DCBLD1: variants seen among roughly 807,000 people sequenced by gnomAD.
DCBLD1 encodes the protein discoidin, CUB and LCCL domain containing 1.
Under a neutral mutation model 71.5 loss-of-function variants are expected in DCBLD1, and 57 were observed. That is an observed-to-expected ratio of 0.80 (90% CI 0.64 to 0.99). DCBLD1 has a LOEUF of 0.99. DCBLD1 is among the 50% of genes least tolerant of loss of function. The pLI is 0.00. For synonymous variants in DCBLD1, 380 were observed against 363.8 expected (o/e 1.04, Z -0.51); for missense variants, 891 against 923.5 (o/e 0.96, Z 0.46).
At chr6:117,558,272 C>T (rs1178598702) in intron 14 of DCBLD1, among the ~76,000 whole-genome samples, 2 of 152,176 alleles carry the variant, frequency 1.3e-5, no homozygotes, top group East Asian at 1.9e-4. Context: ...GGTAAGGCCT[C>T]CTTGGGAGCT....
chr6:117,539,517 A>C (rs1488958869), intron 9 of DCBLD1, 138 bp downstream of exon 9: 3 of 947,114 alleles, frequency 3.2e-6, no homozygotes, highest in Admixed American at 3.5e-5. Context: ...TGTAATCCCC[A>C]AGCTTTGGGA....
intron 6 of DCBLD1, among the ~76,000 whole-genome samples, chr6:117,534,315 A>C (rs962472892): frequency 6.6e-6 from 1 of 152,210 alleles, no homozygotes; most frequent in African/African-American, 2.4e-5. Context: ...CAGAACATTA[A>C]ATTTTATTTT....
chr6:117,536,503 TC>T (rs774239619), intron 6 of DCBLD1, among the ~76,000 whole-genome samples: 1 of 152,178 alleles, frequency 6.6e-6, no homozygotes, highest in Non-Finnish European at 1.5e-5. Context: ...CAATCATTTC[TC>T]CTGTGATAGT....
chr6:117,512,609 G>A (rs1336272678), intron 2 of DCBLD1, among the ~76,000 whole-genome samples: 3 of 152,068 alleles, frequency 2.0e-5, no homozygotes, highest in African/African-American at 7.2e-5. Flanking sequence ...ACAGATCTGG[G>A]CCACGAGAAG....
chr6:117,504,035 A>G, intron 2 of DCBLD1, 56 bp downstream of exon 2: 1 of 1,577,862 alleles, frequency 6.3e-7, no homozygotes, highest in Non-Finnish European at 8.7e-7. Context: ...ATTTGCAGAG[A>G]AGGGCAAGTG....
intron 6 of DCBLD1, among the ~76,000 whole-genome samples, chr6:117,535,757 C>T (rs1778862532): frequency 6.6e-6 from 1 of 152,006 alleles, no homozygotes; most frequent in Non-Finnish European, 1.5e-5. Context: ...AATGTAACAG[C>T]GTAGGAACGT....
chr6:117,523,968 A>G (rs964361850), intron 4 of DCBLD1, among the ~76,000 whole-genome samples: 4 of 152,072 alleles, frequency 2.6e-5, no homozygotes, highest in African/African-American at 7.2e-5. Context: ...TTTTTTATAG[A>G]TGTTTATAGC....
Position 117,540,782 on chromosome 6 carries a change from A to G in DCBLD1, c.1216A>G (p.Lys406Glu). The change falls in exon 10 of 15, where the codon AAG becomes GAG. Residue 406 changes from lysine to glutamate, a missense_variant. Lys to Glu is a moderately conservative substitution (Grantham distance 56). Transcript: ENST00000338728. ...PQTWHQRIAL[K>E]VELIGCQITQ... is the part of the protein sequence containing the mutation. ...GACATGGCACCAGAGGATAGCCTTGAAGGTGGAGCTCATTGGTTGCCAGAT... is the reference window on the plus strand; with the variant it reads ...GACATGGCACCAGAGGATAGCCTTGGAGGTGGAGCTCATTGGTTGCCAGAT... 6.2e-7 allele frequency: 1 copy of G among 1,614,232 alleles called. No individual in the cohort carries two copies. The highest frequency in any genetic ancestry group is 8.5e-7 in the Non-Finnish European group (1 of 1,180,034).
chr6:117,538,500 A>C (rs1778975144), intron 7 of DCBLD1, 120 bp from the exon 8 acceptor site: 2 of 903,920 alleles, frequency 2.2e-6, no homozygotes, highest in South Asian at 3.4e-5. Context: ...TAAACACTTT[A>C]TTCCATATCA....
chr6:117,555,627 C>T (rs372606323), intron 14 of DCBLD1, among the ~76,000 whole-genome samples: 7 of 152,156 alleles, frequency 4.6e-5, no homozygotes, highest in South Asian at 2.1e-4. Context: ...ATAGTCTTGA[C>T]GATCTAGAAT....
intron 14 of DCBLD1, 130 bp downstream of exon 14, chr6:117,545,727 T>C (rs980730642): frequency 9.2e-6 from 12 of 1,304,902 alleles, no homozygotes; most frequent in Non-Finnish European, 1.1e-5. Context: ...AATGTGTTTT[T>C]TCTGCATTCT....
At chr6:117,563,057 A>G in intron 14 of DCBLD1, 1 of 542,712 alleles carries the variant, frequency 1.8e-6, no homozygotes, top group East Asian at 3.1e-5. Context: ...CTTTACATGC[A>G]ATAGCTAATT....
At position 117,556,810 on chromosome 6, in the gene DCBLD1, G is replaced by A. The variant is rs185776245; in HGVS notation, c.1615+11213G>A. 3.0e-4 allele frequency among the ~76,000 whole-genome samples: 46 copies of A among 152,118 alleles called. No individual in the cohort carries two copies. The East Asian group carries it at 6.4e-3, about 21-fold the overall frequency. ...TTGAGAAATCTCTATACTGTTTTCC[G>A]TAAAGGTTGTACTAATTTACATTCC... On this transcript the variant is annotated intron_variant, in intron 14 of 14. Transcript: ENST00000296955.
chr6:117,559,657 G>A (rs1779545636), intron 14 of DCBLD1, among the ~76,000 whole-genome samples: 1 of 152,090 alleles, frequency 6.6e-6, no homozygotes, highest in Admixed American at 6.5e-5. Context: ...GTTCATTATT[G>A]AACAAATATT....
chr6:117,540,500 T>A lies in DCBLD1; in HGVS notation c.1102-168T>A, dbSNP rs1779054390. ...AGCAGCACCACCTTAGTTAGATAAA[T>A]TGGCCCTTGTTTGCAAAGCCTCGTA... On this transcript the variant is annotated intron_variant, in intron 9 of 14. Transcript: ENST00000338728. 4 of 685,676 alleles carry A rather than the reference T, an allele frequency of 5.8e-6. No individual in the cohort carries two copies. In the Admixed American group the frequency reaches 8.8e-5, roughly 15 times the overall value. The allele number at this position is 685,676 out of a possible 1,614,324, so 42.5% of individuals were successfully genotyped here. A position where few individuals can be genotyped will look rare whatever the true frequency, so the allele number is the denominator to read the frequency against.
chr6:117,549,709 C>T lies in DCBLD1; in HGVS notation c.*1270C>T. 1 of 985,360 alleles carries T rather than the reference C, an allele frequency of 1.0e-6. No homozygotes were observed. The highest frequency in any genetic ancestry group is 4.7e-5 in the South Asian group (1 of 21,284). The allele number at this position is 985,360 out of a possible 1,614,324, so 61.0% of individuals were successfully genotyped here. A position where few individuals can be genotyped will look rare whatever the true frequency, so the allele number is the denominator to read the frequency against. On this transcript the variant is annotated 3_prime_UTR_variant, in exon 15 of 15. Transcript: ENST00000338728. ...CTGGAAGGTCATGGCAGACTAGCTG[C>T]TGGTTAGTGTGGAGGGGAAATGGTT...
chr6:117,536,533 G>C (rs1257460547), intron 6 of DCBLD1, among the ~76,000 whole-genome samples: 4 of 152,324 alleles, frequency 2.6e-5, no homozygotes, highest in African/African-American at 9.6e-5. Context: ...CGGCAGTAAG[G>C]CCAGCTCACT....
chr6:117,527,796 A>C (rs969774455), intron 5 of DCBLD1, among the ~76,000 whole-genome samples: 31 of 151,966 alleles, frequency 2.0e-4, no homozygotes, highest in Non-Finnish European at 2.9e-4. Flanking sequence ...AGGAGGTGTG[A>C]GGGGGGAACT....
At chr6:117,549,844 G>A (rs1238488410), downstream of DCBLD1, 5 of 985,224 alleles carry the variant, frequency 5.1e-6, no homozygotes, top group Non-Finnish European at 4.8e-6. Flanking sequence ...GGGTGTTAGA[G>A]GCACTCAAGG....
Sources: allele counts gnomAD v4.1 joint callset (sites outside exome capture counted in the v4.1 genomes callset), GRCh38; gene constraint gnomAD v4.1.1; transcripts MANE v1.5; gene names NCBI Gene and HGNC (gene_info 2026-07-23, HGNC 2026-07-21).